The following PARP8 variants were observed in gnomAD, a reference collection of about 807,000 sequenced individuals.
The protein encoded by PARP8 is protein mono-ADP-ribosyltransferase PARP8.
A neutral mutation model predicts 124.1 loss-of-function variants in PARP8; 51 were observed. The ratio of observed to expected loss-of-function variants is 0.41; its 90% CI spans 0.33 to 0.52. The LOEUF (loss-of-function observed/expected upper bound fraction) is 0.52, where lower values mean the gene tolerates loss of function less well. PARP8 is among the 20% of genes least tolerant of loss of function. The pLI is 0.21. For synonymous variants in PARP8, 391 were observed against 361.5 expected (o/e 1.08, Z -0.93); for missense variants, 860 against 1,018.9 (o/e 0.84, Z 2.12).
intron 2 of PARP8, among the ~76,000 whole-genome samples, chr5:50,676,493 C>A (rs184112439): frequency 1.9e-3 from 294 of 152,290 alleles, no homozygotes; most frequent in African/African-American, 6.8e-3. Context: ...GTTGGCAGAG[C>A]CCTCTCTGGT....
chr5:50,842,986 AT>A lies in PARP8; in HGVS notation c.*924del. ...CTCAGAATTTAAAGAAACCATATAT[AT>A]TTTTTATTTACTACAAAAAAATTAT... On this transcript the variant is annotated 3_prime_UTR_variant, in exon 26 of 26. Transcript: ENST00000281631. 6.6e-6 allele frequency: 1 copy of A among 151,692 alleles called. No homozygotes were observed. The highest frequency in any genetic ancestry group is 1.9e-4 in the East Asian group (1 of 5,176). The allele number at this position is 151,692 out of a possible 1,614,324, so 9.4% of individuals were successfully genotyped here.
chr5:50,717,577 C>T (rs901334206), intron 2 of PARP8, among the ~76,000 whole-genome samples: 4 of 151,684 alleles, frequency 2.6e-5, no homozygotes, highest in Non-Finnish European at 5.9e-5. Flanking sequence ...GTAGATGATA[C>T]AATATCTGTG....
chr5:50,718,866 T>C (rs1362542346), intron 2 of PARP8, among the ~76,000 whole-genome samples: 1 of 152,058 alleles, frequency 6.6e-6, no homozygotes, highest in African/African-American at 2.4e-5. Flanking sequence ...ATATGGTATT[T>C]GTATTTTTAG....
At chr5:50,681,433 A>AT (rs1561237166) in intron 2 of PARP8, among the ~76,000 whole-genome samples, 3 of 150,958 alleles carry the variant, frequency 2.0e-5, no homozygotes, top group Admixed American at 1.3e-4. Flanking sequence ...TCTAAGCATT[A>AT]TTTTTTTTTA....
Position 50,666,829 on chromosome 5 carries a change from G to C in PARP8, c.-267G>C. On this transcript the variant is annotated 5_prime_UTR_variant, in exon 1 of 26. Transcript: ENST00000281631. ...GTGTCATCACCATCCATTGTCAGAA[G>C]GGGAGGAAATTGGAATCCAGCAGCG... is the stretch of plus-strand genomic sequence containing the variant. The C allele has an allele frequency of 7.7e-7, 1 of 1,304,238 alleles. No homozygotes were observed. The highest frequency in any genetic ancestry group is 9.9e-7 in the Non-Finnish European group (1 of 1,015,022). The allele number at this position is 1,304,238 out of a possible 1,614,324, so 80.8% of individuals were successfully genotyped here. A position where few individuals can be genotyped will look rare whatever the true frequency, so the allele number is the denominator to read the frequency against.
At chr5:50,764,733 A>G (rs867559918) in intron 7 of PARP8, among the ~76,000 whole-genome samples, 1 of 152,196 alleles carries the variant, frequency 6.6e-6, no homozygotes, top group African/African-American at 2.4e-5. Flanking sequence ...ATGCATATTT[A>G]TAAGTGTTAT....
intron 7 of PARP8, 29 bp from the exon 8 acceptor site, chr5:50,778,039 GA>G (rs372488538): frequency 1.0e-5 from 16 of 1,547,478 alleles, no homozygotes; most frequent in Admixed American, 7.3e-5. Flanking sequence ...TCATTAAAAT[GA>G]AAAAAACAGT....
intron 16 of PARP8, among the ~76,000 whole-genome samples, chr5:50,822,084 T>G (rs1745820944): frequency 6.6e-6 from 1 of 152,172 alleles, no homozygotes; most frequent in Non-Finnish European, 1.5e-5. Flanking sequence ...AACTTTTTTG[T>G]GTTTCTAGAT....
Position 50,666,921 on chromosome 5 carries a change from C to A in PARP8, c.-175C>A. On this transcript the variant is annotated 5_prime_UTR_variant, in exon 1 of 26. Coordinates refer to ENST00000281631, the MANE Select transcript of PARP8 (RefSeq NM_024615.4). ...GACCTCCCCCTCCTCCTCCTCCTCC[C>A]CCTCCTCCTCCTCCTCTTCTCTCAC... 61 of 617,082 alleles carry A rather than the reference C, an allele frequency of 9.9e-5. No homozygotes were observed. Among genetic ancestry groups the A allele is most frequent in the East Asian group, 3.2e-4 (4 of 12,462 alleles). The allele number at this position is 617,082 out of a possible 1,614,324, so 38.2% of individuals were successfully genotyped here.
rs199811017 is a variant in PARP8 at position 50,745,038 on chromosome 5, TCA to T, written c.147-5110_147-5109del. On this transcript the variant is annotated intron_variant, in intron 2 of 25. Transcript: ENST00000281631. ...ATTGTTTCCCTTAGAACTCTGCAAG[TCA>T]CAAAGTGAAACTGATTAGGATTTTA... is the stretch of plus-strand genomic sequence containing the variant. 3.8e-3 allele frequency: 1,290 copies of T among 341,340 alleles called. 16 individuals carry two copies. Among genetic ancestry groups the T allele is most frequent in the African/African-American group, 0.025 (1,219 of 48,086 alleles). 21.1% of individuals were successfully genotyped at this position (341,340 alleles called of 1,614,324 possible).
chr5:50,767,053 A>G lies in PARP8; in HGVS notation c.518+3811A>G, dbSNP rs569386874. Among the ~76,000 whole-genome samples, 60 of 152,146 alleles carry G rather than the reference A, an allele frequency of 3.9e-4. No individual in the cohort carries two copies. The South Asian group carries it at 5.4e-3, about 14-fold the overall frequency. The stretch of plus-strand genomic sequence containing the variant: ...TAGTGTTAGGCATGGATATATCACT[A>G]ATTTTGGCCAGTCATATGTGAGCTA... On this transcript the variant is annotated intron_variant, in intron 7 of 25. Coordinates refer to ENST00000281631, the MANE Select transcript of PARP8 (RefSeq NM_024615.4).
At chr5:50,833,508 A>G (rs1747219248) in intron 23 of PARP8, 1 of 364,564 alleles carries the variant, frequency 2.7e-6, no homozygotes, top group East Asian at 7.5e-5. Context: ...CTAATCTAAT[A>G]TCTGAAAAAA....
At chr5:50,782,805 T>TA (rs1180700217) in intron 9 of PARP8, among the ~76,000 whole-genome samples, 9 of 151,546 alleles carry the variant, frequency 5.9e-5, no homozygotes, top group African/African-American at 1.2e-4. Flanking sequence ...GTATCTCAGG[T>TA]AAAAAAAATA....
intron 15 of PARP8, among the ~76,000 whole-genome samples, chr5:50,818,188 CCA>C (rs1491455470): frequency 2.1e-5 from 3 of 144,936 alleles, no homozygotes; most frequent in African/African-American, 5.1e-5. Flanking sequence ...CCCCCCCCCC[CCA>C]AAAAAAAGAA....
Position 50,845,655 on chromosome 5 carries a change from A to G in PARP8, c.*3587A>G, listed in dbSNP as rs548813723. 6.6e-6 allele frequency: 1 copy of G among 151,904 alleles called. No individual in the cohort carries two copies. Among genetic ancestry groups the G allele is most frequent in the Admixed American group, 6.6e-5 (1 of 15,208 alleles). 9.4% of individuals were successfully genotyped at this position (151,904 alleles called of 1,614,324 possible). On this transcript the variant is annotated 3_prime_UTR_variant, in exon 26 of 26. Coordinates refer to ENST00000281631, the MANE Select transcript of PARP8 (RefSeq NM_024615.4). ...TAACATGGATATTTCAGTCACTGGT[A>G]ACAATGTCAGGGTTAACACCCAATG...
At chr5:50,826,613 TA>T in intron 18 of PARP8, 141 bp from the exon 19 acceptor site, 1 of 1,091,134 alleles carries the variant, frequency 9.2e-7, no homozygotes, top group Non-Finnish European at 1.2e-6. Context: ...GAAACAAACC[TA>T]AATTATGCGA....
chr5:50,816,069 TA>T, intron 15 of PARP8, among the ~76,000 whole-genome samples: 1 of 152,142 alleles, frequency 6.6e-6, no homozygotes, highest in African/African-American at 2.4e-5. Context: ...TCTAAAAAAT[TA>T]ATGAACATTA....
At chr5:50,670,934 C>A (rs1276080278) in intron 2 of PARP8, among the ~76,000 whole-genome samples, 1 of 152,162 alleles carries the variant, frequency 6.6e-6, no homozygotes. Context: ...AAAACTTGTG[C>A]TATATATACG....
intron 3 of PARP8, among the ~76,000 whole-genome samples, chr5:50,753,125 C>G (rs1256209168): frequency 6.6e-6 from 1 of 151,532 alleles, no homozygotes; most frequent in East Asian, 1.9e-4. Flanking sequence ...ATTTTGAAGA[C>G]AGTTTTTTTT....
Sources: gnomAD v4.1 joint callset for allele counts (sites outside exome capture counted in the v4.1 genomes callset) on GRCh38, gnomAD v4.1.1 for gene constraint, MANE v1.5 for transcripts, NCBI Gene and HGNC (gene_info 2026-07-23, HGNC 2026-07-21) for gene names.